The following HTR7 variants were observed in gnomAD, a reference collection of about 807,000 sequenced individuals.
HTR7 encodes the protein 5-hydroxytryptamine receptor 7.
In HTR7, 16 loss-of-function variants were observed where a neutral mutation model predicts 34.0. That is an observed-to-expected ratio of 0.47 (90% CI 0.32 to 0.71). The LOEUF is 0.71. Ranked by LOEUF, HTR7 falls within the 30% of genes least tolerant of loss-of-function variation. HTR7 has a pLI of 0.04. For synonymous variants in HTR7, 265 were observed against 260.2 expected (o/e 1.02, Z -0.18); for missense variants, 504 against 625.5 (o/e 0.81, Z 2.07).
chr10:90,816,331 A>AG (rs1845898922), intron 1 of HTR7, among the ~76,000 whole-genome samples: 1 of 152,204 alleles, frequency 6.6e-6, no homozygotes, highest in South Asian at 2.1e-4. Flanking sequence ...ACTATCTGTG[A>AG]GTATTCCTGA....
intron 1 of HTR7, among the ~76,000 whole-genome samples, chr10:90,761,609 CAT>C (rs1274217369): frequency 1.0e-4 from 15 of 149,426 alleles, no homozygotes; most frequent in East Asian, 5.9e-4. Flanking sequence ...TATTACCTCA[CAT>C]AGTTACCATT....
chr10:90,744,270 C>T (rs1844601190), intron 2 of HTR7, among the ~76,000 whole-genome samples: 1 of 149,888 alleles, frequency 6.7e-6, no homozygotes, highest in African/African-American at 2.5e-5. Flanking sequence ...CCCCAGCACA[C>T]TAGATTAAAA....
intron 1 of HTR7, among the ~76,000 whole-genome samples, chr10:90,850,853 A>G (rs1025500478): frequency 7.9e-5 from 12 of 152,230 alleles, no homozygotes; most frequent in African/African-American, 2.9e-4. Flanking sequence ...TGTAAAACAT[A>G]AAATGGAAAA....
intron 1 of HTR7, among the ~76,000 whole-genome samples, chr10:90,853,464 TC>T (rs1362393531): frequency 6.6e-6 from 1 of 150,738 alleles, no homozygotes; most frequent in Admixed American, 6.6e-5. Flanking sequence ...TTGTTTCTTT[TC>T]TTTTCTTTTT....
chr10:90,779,721 C>T (rs1328576358), intron 1 of HTR7, among the ~76,000 whole-genome samples: 1 of 152,206 alleles, frequency 6.6e-6, no homozygotes, highest in Non-Finnish European at 1.5e-5. Context: ...CCAGAAAAAA[C>T]ATTTGTCATT....
chr10:90,845,515 G>A (rs1259083480), intron 1 of HTR7, among the ~76,000 whole-genome samples: 6 of 152,250 alleles, frequency 3.9e-5, no homozygotes, highest in African/African-American at 1.2e-4. Flanking sequence ...TCTTTGACCA[G>A]CAGAGTCACT....
At chr10:90,777,373 A>C (rs112585410) in intron 1 of HTR7, among the ~76,000 whole-genome samples, 3,738 of 151,646 alleles carry the variant, frequency 0.025, 154 homozygotes, top group African/African-American at 0.082. Flanking sequence ...CCCAGCTACT[A>C]AGGATGCTGA....
At position 90,776,953 on chromosome 10, in the gene HTR7, T is replaced by C. The variant is rs187961720; in HGVS notation, c.540-27359A>G. 1.6e-3 allele frequency among the ~76,000 whole-genome samples: 237 copies of C among 152,320 alleles called. 1 individual carries two copies. The highest frequency in any genetic ancestry group is 3.4e-3 in the Middle Eastern group (1 of 294). The stretch of plus-strand genomic sequence containing the variant: ...GCTGAGGACTGGCAAGAATTCATTA[T>C]GGCATGGCAAATGAGAGCAATTAAT... On this transcript the variant is annotated intron_variant, in intron 1 of 3. Coordinates refer to ENST00000336152, the MANE Select transcript of HTR7 (RefSeq NM_019859.4).
intron 1 of HTR7, among the ~76,000 whole-genome samples, chr10:90,809,544 G>A (rs563856170): frequency 3.1e-4 from 47 of 152,236 alleles, no homozygotes; most frequent in South Asian, 1.9e-3. Flanking sequence ...AATTAACCTC[G>A]CCTTCAAGGT....
chr10:90,796,576 T>G (rs1481914146), intron 1 of HTR7, among the ~76,000 whole-genome samples: 5 of 152,112 alleles, frequency 3.3e-5, no homozygotes. Flanking sequence ...CCAGGTGTCG[T>G]GACAAGTGCC....
At chr10:90,757,171 T>G (rs1589437515) in intron 1 of HTR7, among the ~76,000 whole-genome samples, 1 of 152,234 alleles carries the variant, frequency 6.6e-6, no homozygotes. Flanking sequence ...TTCTGTTTTA[T>G]GATGGTTCTG....
chr10:90,831,042 T>G (rs1281500278), intron 1 of HTR7, among the ~76,000 whole-genome samples: 2 of 151,824 alleles, frequency 1.3e-5, no homozygotes, highest in Non-Finnish European at 2.9e-5. Flanking sequence ...CTTCATAAAA[T>G]GTGAAGGTTG....
At chr10:90,753,790 C>T (rs972499008) in intron 1 of HTR7, among the ~76,000 whole-genome samples, 17 of 151,824 alleles carry the variant, frequency 1.1e-4, no homozygotes, top group Admixed American at 2.0e-4. Flanking sequence ...TGATGATGTA[C>T]GTCTGTATTT....
chr10:90,767,849 G>A (rs1201909363), intron 1 of HTR7, among the ~76,000 whole-genome samples: 1 of 151,924 alleles, frequency 6.6e-6, no homozygotes, highest in African/African-American at 2.4e-5. Context: ...TTCCCAGGGG[G>A]AGTTTTCCAA....
rs193039800 is a variant in HTR7 at position 90,794,866 on chromosome 10, A to T, written c.540-45272T>A. Among the ~76,000 whole-genome samples the T allele has an allele frequency of 2.4e-3, 361 of 152,344 alleles. 1 individual carries two copies. Among genetic ancestry groups the T allele is most frequent in the Non-Finnish European group, 4.2e-3 (287 of 68,030 alleles). The stretch of plus-strand genomic sequence containing the variant: ...GTGAAGTAGGTTAATTTACACCGGC[A>T]TCACCACAAACACGTGAGTAAGGCA... On this transcript the variant is annotated intron_variant, in intron 1 of 3. Coordinates refer to ENST00000336152, the MANE Select transcript of HTR7 (RefSeq NM_019859.4).
At chr10:90,828,415 A>C (rs1846113145) in intron 1 of HTR7, among the ~76,000 whole-genome samples, 1 of 152,202 alleles carries the variant, frequency 6.6e-6, no homozygotes, top group African/African-American at 2.4e-5. Context: ...CAACAAAATG[A>C]AATCTTGGTT....
intron 1 of HTR7, among the ~76,000 whole-genome samples, chr10:90,776,374 C>T (rs1324608908): frequency 6.6e-6 from 1 of 152,206 alleles, no homozygotes; most frequent in African/African-American, 2.4e-5. Context: ...TGTTTTAATT[C>T]AGATACACCC....
At chr10:90,844,726 CAAAAAAAAAAAAAAAAAAAAA>C (rs71025328) in intron 1 of HTR7, among the ~76,000 whole-genome samples, 7,156 of 39,442 alleles carry the variant, frequency 0.18, 366 homozygotes, top group Non-Finnish European at 0.27. Flanking sequence ...GACTCCGTCT[CAAAAAAAAAAAAAAAAAAAAA>C]AAAAAAAAAA....
At chr10:90,814,745 G>C (rs1490962381) in intron 1 of HTR7, among the ~76,000 whole-genome samples, 1 of 152,156 alleles carries the variant, frequency 6.6e-6, no homozygotes, top group Admixed American at 6.5e-5. Context: ...AAAGGTCTTA[G>C]TACAACATTA....
Sources: allele counts gnomAD v4.1 joint callset (sites outside exome capture counted in the v4.1 genomes callset), GRCh38; gene constraint gnomAD v4.1.1; transcripts MANE v1.5; gene names NCBI Gene and HGNC (gene_info 2026-07-23, HGNC 2026-07-21).